Variants in IQUB observed in about 807,000 individuals in gnomAD.
IQUB encodes IQ motif and ubiquitin-like domain-containing protein.
In IQUB, 86 loss-of-function variants were observed where a neutral mutation model predicts 86.4. The observed-to-expected ratio is 1.00, with a 90% CI of 0.84 to 1.19. IQUB has a LOEUF of 1.19. Ranked by LOEUF, IQUB falls within the 50% of genes most tolerant of loss-of-function variation. The pLI is 0.00. For missense variants in IQUB, 946 were observed against 916.9 expected, an observed-to-expected ratio of 1.03 and a Z score of -0.41; for synonymous variants, 289 against 304.5, an observed-to-expected ratio of 0.95 and a Z score of 0.53.
At chr7:123,530,769 C>G (rs1488370422) in intron 1 of IQUB, among the ~76,000 whole-genome samples, 1 of 151,106 alleles carries the variant, frequency 6.6e-6, no homozygotes, top group Non-Finnish European at 1.5e-5. Context: ...CTCCACCTCC[C>G]AGATTCAAGC....
At chr7:123,482,811 T>A (rs1408737703) in intron 7 of IQUB, among the ~76,000 whole-genome samples, 1 of 152,110 alleles carries the variant, frequency 6.6e-6, no homozygotes, top group African/African-American at 2.4e-5. Context: ...TGACTAAAGA[T>A]TACTGAGAAC....
At chr7:123,466,826 A>AAT (rs1469805225) in intron 9 of IQUB, among the ~76,000 whole-genome samples, 1 of 152,138 alleles carries the variant, frequency 6.6e-6, no homozygotes, top group Non-Finnish European at 1.5e-5. Context: ...TTTTCATTAC[A>AAT]ATATCTATGC....
At chr7:123,498,013 AAC>A (rs1006370247) in intron 6 of IQUB, among the ~76,000 whole-genome samples, 24 of 151,976 alleles carry the variant, frequency 1.6e-4, no homozygotes, top group African/African-American at 5.8e-4. Context: ...GGCAAGGAGC[AAC>A]AGAGATATTT....
intron 7 of IQUB, among the ~76,000 whole-genome samples, chr7:123,481,488 T>A (rs1232751684): frequency 6.6e-6 from 1 of 151,906 alleles, no homozygotes; most frequent in African/African-American, 2.4e-5. Flanking sequence ...GAGACCTGAA[T>A]CAGTACTAAA....
chr7:123,528,188 C>T (rs917796278), intron 1 of IQUB, among the ~76,000 whole-genome samples: 8 of 152,094 alleles, frequency 5.3e-5, no homozygotes, highest in Admixed American at 6.6e-5. Context: ...GCACGGTGCA[C>T]GCACCCACTG....
intron 1 of IQUB, among the ~76,000 whole-genome samples, chr7:123,518,406 C>G (rs565058620): frequency 2.6e-5 from 4 of 152,104 alleles, no homozygotes; most frequent in African/African-American, 9.7e-5. Flanking sequence ...CTCATACTTG[C>G]TTAAATACCT....
rs554721732 is a variant in IQUB, at chr7:123,489,133, C to T, written c.1234+7563G>A. ...ACCTTGCAGGAGTGGAAGTGGGATG[C>T]GGACCTATGTATAACATGAGAAAAC... On this transcript the variant is annotated intron_variant, in intron 7 of 12. Coordinates refer to ENST00000324698, the MANE Select transcript of IQUB (RefSeq NM_178827.5). Among the ~76,000 whole-genome samples the T allele has an allele frequency of 5.9e-5, 9 of 152,204 alleles. No individual in the cohort carries two copies. In the South Asian group the frequency reaches 1.4e-3, roughly 25 times the overall value.
chr7:123,527,519 G>C (rs1356293487), intron 1 of IQUB, among the ~76,000 whole-genome samples: 1 of 152,168 alleles, frequency 6.6e-6, no homozygotes, highest in Admixed American at 6.5e-5. Context: ...CTGTTTGTTA[G>C]TTTTCCTTCA....
At chr7:123,517,196 T>C (rs191174011) in intron 1 of IQUB, among the ~76,000 whole-genome samples, 66 of 152,092 alleles carry the variant, frequency 4.3e-4, no homozygotes, top group Admixed American at 1.4e-3. Context: ...TATATCATTG[T>C]TATTATATTA....
At chr7:123,486,516 G>A (rs1422988627) in intron 7 of IQUB, among the ~76,000 whole-genome samples, 2 of 152,230 alleles carry the variant, frequency 1.3e-5, no homozygotes, top group South Asian at 2.1e-4. Flanking sequence ...TTGCTACCAA[G>A]TAGCTGGTTT....
Position 123,452,890 on chromosome 7 carries a change from G to T in IQUB, c.2229C>A (p.His743Gln). The T allele has an allele frequency of 6.2e-7, 1 of 1,612,762 alleles. No individual in the cohort carries two copies. Among genetic ancestry groups the T allele is most frequent in the Non-Finnish European group, 8.5e-7 (1 of 1,179,254 alleles). ...YERSFIHKIK[H>Q]KHILAKNYFS... The stretch of plus-strand genomic sequence containing the variant: ...AATAGTTCTTAGCCAGGATATGTTT[G>T]TGTTTGATCTTGTGAATAAATGAGC... Residue 743 changes from histidine to glutamine, a missense_variant, in exon 13 of 13, where the codon CAC becomes CAA. Transcript: ENST00000324698.
intron 6 of IQUB, among the ~76,000 whole-genome samples, chr7:123,499,248 C>T (rs1201735445): frequency 6.6e-6 from 1 of 151,930 alleles, no homozygotes; most frequent in Non-Finnish European, 1.5e-5. Context: ...CAGTTGGGAC[C>T]ACAGGCACGT....
At chr7:123,499,870 T>C (rs921190121) in intron 6 of IQUB, among the ~76,000 whole-genome samples, 4 of 152,114 alleles carry the variant, frequency 2.6e-5, no homozygotes, top group Admixed American at 1.3e-4. Context: ...CAGGATAAGA[T>C]AAGAGGTCAG....
chr7:123,486,000 A>G (rs1302321275), intron 7 of IQUB, among the ~76,000 whole-genome samples: 3 of 152,188 alleles, frequency 2.0e-5, no homozygotes, highest in Non-Finnish European at 4.4e-5. Flanking sequence ...CAAACACAGC[A>G]TGAGTGATAA....
intron 7 of IQUB, among the ~76,000 whole-genome samples, chr7:123,493,806 G>C (rs1268817725): frequency 7.1e-6 from 1 of 140,472 alleles, no homozygotes; most frequent in African/African-American, 2.6e-5. Context: ...TACACAAGTA[G>C]TACTACTACA....
intron 7 of IQUB, among the ~76,000 whole-genome samples, chr7:123,487,284 G>A (rs1453822998): frequency 6.6e-6 from 1 of 152,152 alleles, no homozygotes; most frequent in African/African-American, 2.4e-5. Context: ...AAATTACCCA[G>A]TATCAGATAG....
intron 8 of IQUB, among the ~76,000 whole-genome samples, chr7:123,476,551 T>C (rs1174164391): frequency 6.6e-6 from 1 of 151,122 alleles, no homozygotes; most frequent in Non-Finnish European, 1.5e-5. Flanking sequence ...AGGGTCAGAG[T>C]TGTGTTTAGT....
At chr7:123,483,210 G>T (rs1795081019) in intron 7 of IQUB, among the ~76,000 whole-genome samples, 1 of 151,946 alleles carries the variant, frequency 6.6e-6, no homozygotes, top group African/African-American at 2.4e-5. Flanking sequence ...ATCCACAGAG[G>T]TTTACATAGC....
intron 7 of IQUB, among the ~76,000 whole-genome samples, chr7:123,492,257 T>C (rs1347347369): frequency 1.3e-5 from 2 of 152,186 alleles, no homozygotes; most frequent in South Asian, 2.1e-4. Flanking sequence ...ACAAAGGCAA[T>C]GCAATGGAGA....
Sources: gnomAD v4.1 joint callset for allele counts (sites outside exome capture counted in the v4.1 genomes callset) on GRCh38, gnomAD v4.1.1 for gene constraint, MANE v1.5 for transcripts, NCBI Gene and HGNC (gene_info 2026-07-23, HGNC 2026-07-21) for gene names.